ADAMTS6: variants seen among roughly 807,000 people sequenced by gnomAD.
The protein encoded by ADAMTS6 is ADAM metallopeptidase with thrombospondin type 1 motif 6, also known as A disintegrin and metalloproteinase with thrombospondin motifs 6.
In ADAMTS6, 23 loss-of-function variants were observed where a neutral mutation model predicts 144.3. The observed-to-expected ratio is 0.16, with a 90% CI of 0.11 to 0.23. The LOEUF is 0.23. ADAMTS6 is among the 10% of genes least tolerant of loss of function. ADAMTS6 has a pLI of 1.00. For synonymous variants in ADAMTS6, 444 were observed against 457.5 expected, an observed-to-expected ratio of 0.97 and a Z score of 0.38; for missense variants, 999 against 1,379.6, an observed-to-expected ratio of 0.72 and a Z score of 4.37.
intron 9 of ADAMTS6, among the ~76,000 whole-genome samples, chr5:65,307,442 G>A (rs1349582524): frequency 6.6e-6 from 1 of 152,190 alleles, no homozygotes; most frequent in Non-Finnish European, 1.5e-5. Flanking sequence ...ATAAACTGAG[G>A]AGACTCACGA....
chr5:65,209,239 T>C (rs1756325837), intron 20 of ADAMTS6, among the ~76,000 whole-genome samples: 1 of 152,232 alleles, frequency 6.6e-6, no homozygotes, highest in African/African-American at 2.4e-5. Context: ...ACAAGATTCA[T>C]TAATTAGCAA....
intron 7 of ADAMTS6, among the ~76,000 whole-genome samples, chr5:65,412,602 A>G (rs1755143329): frequency 6.6e-6 from 1 of 152,130 alleles, no homozygotes; most frequent in South Asian, 2.1e-4. Flanking sequence ...TCACTACACA[A>G]AAAAATTTGG....
intron 7 of ADAMTS6, among the ~76,000 whole-genome samples, chr5:65,336,063 A>G (rs1747276047): frequency 6.6e-6 from 1 of 152,140 alleles, no homozygotes; most frequent in African/African-American, 2.4e-5. Flanking sequence ...GAAACATTGA[A>G]TGCTAAACCA....
At chr5:65,324,607 A>T (rs1465966677) in intron 9 of ADAMTS6, among the ~76,000 whole-genome samples, 9 of 152,002 alleles carry the variant, frequency 5.9e-5, no homozygotes, top group Admixed American at 5.9e-4. Context: ...AAAAGTCTTT[A>T]TCATATTTAT....
chr5:65,206,699 C>CAAAAA (rs11296295), intron 20 of ADAMTS6, among the ~76,000 whole-genome samples: 63 of 77,812 alleles, frequency 8.1e-4, no homozygotes, highest in Middle Eastern at 7.0e-3. Flanking sequence ...GACTCCATCT[C>CAAAAA]AAAAAAAAAA....
chr5:65,390,765 G>A (rs911767194), intron 7 of ADAMTS6, among the ~76,000 whole-genome samples: 1 of 152,062 alleles, frequency 6.6e-6, no homozygotes, highest in East Asian at 1.9e-4. Context: ...CAGTTGAAAC[G>A]TCACAGAGAG....
chr5:65,460,114 A>G, intron 4 of ADAMTS6, 56 bp downstream of exon 4: 1 of 1,558,248 alleles, frequency 6.4e-7, no homozygotes, highest in Non-Finnish European at 8.7e-7. Flanking sequence ...TGCCAGAAGA[A>G]AGAAAAAGCA....
At chr5:65,312,758 A>G (rs1440502217) in intron 9 of ADAMTS6, among the ~76,000 whole-genome samples, 3 of 152,018 alleles carry the variant, frequency 2.0e-5, no homozygotes, top group Non-Finnish European at 4.4e-5. Context: ...CTTTTCTGCT[A>G]CTACTTTACA....
chr5:65,247,906 C>T (rs115033922), intron 14 of ADAMTS6, among the ~76,000 whole-genome samples: 39 of 152,278 alleles, frequency 2.6e-4, no homozygotes, highest in African/African-American at 9.4e-4. Context: ...TTTTCTTCTT[C>T]CTCTACAGGA....
At chr5:65,168,124 T>C (rs1358495475) in intron 24 of ADAMTS6, among the ~76,000 whole-genome samples, 1 of 151,112 alleles carries the variant, frequency 6.6e-6, no homozygotes, top group Non-Finnish European at 1.5e-5. Flanking sequence ...TGATTGTTTA[T>C]CTAGAAAACC....
intron 7 of ADAMTS6, among the ~76,000 whole-genome samples, chr5:65,353,290 T>A (rs1749030827): frequency 6.6e-6 from 1 of 152,026 alleles, no homozygotes; most frequent in African/African-American, 2.4e-5. Flanking sequence ...GTTATTTTCA[T>A]TCTACAATTT....
Position 65,362,006 on chromosome 5 carries a change from A to G in ADAMTS6, c.1074-27921T>C, listed in dbSNP as rs115880549. 6.4e-3 allele frequency among the ~76,000 whole-genome samples: 969 copies of G among 152,314 alleles called. 5 individuals carry two copies. The highest frequency in any genetic ancestry group is 0.011 in the Non-Finnish European group (730 of 68,028). On this transcript the variant is annotated intron_variant, in intron 7 of 24. Transcript: ENST00000381055. ...CACCTTGCCCTCCTAAAATGCTGGGATTACAGGCGAGAGCCACTGCAGACG... is the reference window on the plus strand; with the variant it reads ...CACCTTGCCCTCCTAAAATGCTGGGGTTACAGGCGAGAGCCACTGCAGACG...
At chr5:65,456,003 T>TTA (rs1451927640) in intron 4 of ADAMTS6, among the ~76,000 whole-genome samples, 5 of 151,114 alleles carry the variant, frequency 3.3e-5, no homozygotes, top group Non-Finnish European at 5.9e-5. Context: ...CAAAGGCATT[T>TTA]TATATATATC....
chr5:65,214,754 C>T lies in ADAMTS6; in HGVS notation c.2575+40G>A. On this transcript the variant is annotated intron_variant, in intron 20 of 24. Transcript: ENST00000381055. The surrounding 1 kb of genome is among the most constrained non-coding windows in gnomAD (Gnocchi z 4.6). ...ATAGCTCAGAATGTGTTTTGTTCTC[C>T]ATCTTGCCCTCTGGGTGGGCTGCCT... is the stretch of plus-strand genomic sequence containing the variant. 2 of 1,613,586 alleles carry T rather than the reference C, an allele frequency of 1.2e-6. No individual in the cohort carries two copies. Among genetic ancestry groups the T allele is most frequent in the Non-Finnish European group, 8.5e-7 (1 of 1,179,860 alleles).
Position 65,214,824 on chromosome 5 carries a change from A to G in ADAMTS6, c.2545T>C (p.Trp849Arg), listed in dbSNP as rs1353638441. ...EVGFTWNHQP[W>R]SECSATCAGG... ...GCACAAGTAGCTGAGCATTCTGACC[A>G]AGGCTGATGATTCCATGTAAAGCCA... is the stretch of plus-strand genomic sequence containing the variant. Residue 849 changes from tryptophan (W) to arginine (R), a missense_variant, in exon 20 of 25, where the codon TGG becomes CGG. Physicochemically the swap from Trp to Arg is moderately radical, Grantham distance 101. Coordinates refer to ENST00000381055, the MANE Select transcript of ADAMTS6 (RefSeq NM_197941.4). The surrounding 1 kb of genome is among the most constrained non-coding windows in gnomAD (Gnocchi z 4.6). 2 of 1,614,180 alleles carry G rather than the reference A, an allele frequency of 1.2e-6. No homozygotes were observed. Among genetic ancestry groups the G allele is most frequent in the Admixed American group, 1.7e-5 (1 of 60,026 alleles).
chr5:65,318,783 A>G (rs1745261192), intron 9 of ADAMTS6, among the ~76,000 whole-genome samples: 1 of 152,118 alleles, frequency 6.6e-6, no homozygotes, highest in South Asian at 2.1e-4. Context: ...AATAGGTACC[A>G]AAAAAATAGA....
Position 65,473,605 on chromosome 5 carries a change from A to C in ADAMTS6, c.69T>G (p.Ser23Arg). The C allele has an allele frequency of 6.2e-7, 1 of 1,613,820 alleles. No homozygotes were observed. Among genetic ancestry groups the C allele is most frequent in the Non-Finnish European group, 8.5e-7 (1 of 1,179,728 alleles). Residue 23 changes from serine to arginine, a missense_variant, in exon 2 of 25, where the codon AGT becomes AGG. Transcript: ENST00000381055. ...SLIMASSEFH[S>R]DHRLSYSSQE... ...GAGAACTGTATGAAAGCCTGTGGTC[A>C]CTATGAAATTCCGATGAAGCCATGA...
At chr5:65,182,887 G>A (rs1221988056) in intron 22 of ADAMTS6, among the ~76,000 whole-genome samples, 2 of 152,036 alleles carry the variant, frequency 1.3e-5, no homozygotes, top group Admixed American at 1.3e-4. Context: ...AGATTTTCAA[G>A]ACAGTGAATG....
rs1741857865 is a variant in ADAMTS6 at position 65,287,993 on chromosome 5, ACCT to A, written c.1512+3333_1512+3335del. On this transcript the variant is annotated intron_variant, in intron 11 of 24. Coordinates refer to ENST00000381055, the MANE Select transcript of ADAMTS6 (RefSeq NM_197941.4). ...GTTCTTTGTATTTACAGCCATTACA[ACCT>A]CCTCACAACTTCTATAGGAATTTAA... Among the ~76,000 whole-genome samples the A allele has an allele frequency of 2.0e-5, 3 of 152,182 alleles. No homozygotes were observed. The South Asian group carries it at 6.2e-4, about 32-fold the overall frequency.
Sources: gnomAD v4.1 joint callset for allele counts (sites outside exome capture counted in the v4.1 genomes callset) on GRCh38, gnomAD v4.1.1 for gene constraint, Gnocchi (gnomAD v3.1) non-coding constraint, MANE v1.5 for transcripts, NCBI Gene and HGNC (gene_info 2026-07-23, HGNC 2026-07-21) for gene names.